Variants in EDEM3 observed in about 807,000 individuals in gnomAD.
EDEM3 encodes the protein ER degradation-enhancing alpha-mannosidase-like protein 3.
A neutral mutation model predicts 110.2 loss-of-function variants in EDEM3; 60 were observed. The ratio of observed to expected loss-of-function variants is 0.54; its 90% CI spans 0.44 to 0.67. The LOEUF (loss-of-function observed/expected upper bound fraction) is 0.67. EDEM3 is among the 30% of genes least tolerant of loss of function. The pLI, the probability that EDEM3 is intolerant of heterozygous loss-of-function variation, is 0.00. For missense variants in EDEM3, 996 were observed against 1,121.0 expected (o/e 0.89, Z 1.59); for synonymous variants, 352 against 382.9 (o/e 0.92, Z 0.94).
Position 184,704,025 on chromosome 1 carries a change from T to A in EDEM3, c.2204-1029A>T, listed in dbSNP as rs1571351665. 3.3e-5 allele frequency among the ~76,000 whole-genome samples: 5 copies of A among 152,280 alleles called. No homozygotes were observed. In the South Asian group the frequency reaches 1.0e-3, roughly 32 times the overall value. On this transcript the variant is annotated intron_variant, in intron 18 of 19. Transcript: ENST00000318130. Reference sequence around the variant, plus strand: ...GTTCAGAAGGACCCAGAGGTAGAGATACAGAGAGAAAAGTGAAAAACATTC... The same window carrying A: ...GTTCAGAAGGACCCAGAGGTAGAGAAACAGAGAGAAAAGTGAAAAACATTC...
intron 6 of EDEM3, among the ~76,000 whole-genome samples, chr1:184,731,109 AAGAG>A (rs1651488150): frequency 6.6e-6 from 1 of 152,208 alleles, no homozygotes; most frequent in African/African-American, 2.4e-5. Flanking sequence ...AGCATAAACC[AAGAG>A]AGAAAGAATA....
chr1:184,695,965 C>G (rs139662272), intron 19 of EDEM3, among the ~76,000 whole-genome samples: 104 of 152,060 alleles, frequency 6.8e-4, no homozygotes, highest in Non-Finnish European at 1.2e-3. Flanking sequence ...AGCCTCAGAA[C>G]CAGTCTGTCT....
At chr1:184,730,443 C>T (rs1338830167) in intron 6 of EDEM3, among the ~76,000 whole-genome samples, 2 of 151,786 alleles carry the variant, frequency 1.3e-5, no homozygotes, top group East Asian at 1.9e-4. Flanking sequence ...AAAAATCAGC[C>T]GAGCATGGTG....
At chr1:184,722,335 C>T (rs980533870) in intron 8 of EDEM3, among the ~76,000 whole-genome samples, 9 of 151,856 alleles carry the variant, frequency 5.9e-5, no homozygotes, top group East Asian at 1.9e-4. Context: ...TTTAATTTAA[C>T]AGCTGAAGTA....
chr1:184,732,699 A>G (rs1217787930), intron 6 of EDEM3, 138 bp downstream of exon 6: 1 of 758,000 alleles, frequency 1.3e-6, no homozygotes, highest in Non-Finnish European at 2.0e-6. Flanking sequence ...AAATGAAAAT[A>G]TAAATTTGTT....
chr1:184,749,939 G>C (rs373362693), intron 1 of EDEM3, among the ~76,000 whole-genome samples: 2 of 152,058 alleles, frequency 1.3e-5, no homozygotes, highest in African/African-American at 2.4e-5. Flanking sequence ...ATTATTTAAC[G>C]TATCTGTCTT....
intron 1 of EDEM3, among the ~76,000 whole-genome samples, chr1:184,750,121 T>C (rs1652675292): frequency 6.6e-6 from 1 of 152,212 alleles, no homozygotes; most frequent in African/African-American, 2.4e-5. Context: ...CACTAATGCC[T>C]AGTTTAAGTA....
intron 6 of EDEM3, among the ~76,000 whole-genome samples, chr1:184,730,046 T>C (rs1328563736): frequency 2.6e-5 from 4 of 152,196 alleles, no homozygotes; most frequent in African/African-American, 9.6e-5. Flanking sequence ...AAGAAATCCA[T>C]ATTAAAATAT....
rs187170549 is a variant in EDEM3, at chr1:184,692,072, C to G, written c.*1991G>C. On this transcript the variant is annotated 3_prime_UTR_variant, in exon 20 of 20. Transcript: ENST00000318130. ...TGACTTTCAGCTACAAATACAAAAT[C>G]AAATCCATGTATATAAGGCTTCTGT... 187 of 152,136 alleles carry G rather than the reference C, an allele frequency of 1.2e-3. 1 individual carries two copies. The highest frequency in any genetic ancestry group is 4.0e-3 in the African/African-American group (167 of 41,534). 9.4% of individuals were successfully genotyped at this position (152,136 alleles called of 1,614,324 possible).
At chr1:184,741,356 G>A (rs550570556) in intron 2 of EDEM3, among the ~76,000 whole-genome samples, 21 of 151,874 alleles carry the variant, frequency 1.4e-4, no homozygotes, top group Admixed American at 9.2e-4. Context: ...CCGAGATCTC[G>A]CCATTGCACT....
chr1:184,748,644 CAT>C (rs1356838887), intron 2 of EDEM3, among the ~76,000 whole-genome samples: 6 of 152,002 alleles, frequency 3.9e-5, no homozygotes, highest in African/African-American at 1.2e-4. Flanking sequence ...AAATATAAAA[CAT>C]GTTTTAAAAC....
intron 19 of EDEM3, among the ~76,000 whole-genome samples, chr1:184,697,548 A>T (rs1649394256): frequency 6.6e-6 from 1 of 151,858 alleles, no homozygotes; most frequent in Non-Finnish European, 1.5e-5. Context: ...CTAGAAGCAG[A>T]TCCAACTATG....
intron 1 of EDEM3, among the ~76,000 whole-genome samples, chr1:184,751,523 T>C (rs1311371862): frequency 6.6e-6 from 1 of 152,250 alleles, no homozygotes; most frequent in Admixed American, 6.5e-5. Context: ...CAGCATATGA[T>C]GAGCAAATTT....
At chr1:184,696,221 A>C (rs1369235573) in intron 19 of EDEM3, among the ~76,000 whole-genome samples, 1 of 151,882 alleles carries the variant, frequency 6.6e-6, no homozygotes, top group Non-Finnish European at 1.5e-5. Flanking sequence ...CAGCTGAGAG[A>C]TTAACTGGGG....
chr1:184,749,621 A>G (rs1652641320), intron 1 of EDEM3, 29 bp from the exon 2 acceptor site: 1 of 1,302,408 alleles, frequency 7.7e-7, no homozygotes, highest in Admixed American at 2.6e-5. Context: ...AAATGGAAAA[A>G]AAAAAAAAAA....
At position 184,692,999 on chromosome 1, in the gene EDEM3, G is replaced by A. The variant is rs957086118; in HGVS notation, c.*1064C>T. On this transcript the variant is annotated 3_prime_UTR_variant, in exon 20 of 20. Transcript: ENST00000318130. ...AACTTTAGAAACCTAAGTTTCAAAG[G>A]AGAAAAACAGTAGTTACTCCAGGAA... The A allele has an allele frequency of 6.5e-6, 1 of 154,746 alleles. No individual in the cohort carries two copies. Among genetic ancestry groups the A allele is most frequent in the East Asian group, 1.9e-4 (1 of 5,178 alleles). The allele number at this position is 154,746 out of a possible 1,614,324, so 9.6% of individuals were successfully genotyped here.
intron 15 of EDEM3, 26 bp downstream of exon 15, chr1:184,711,697 A>G: frequency 1.3e-6 from 2 of 1,542,158 alleles, no homozygotes; most frequent in Admixed American, 2.1e-5. Flanking sequence ...CTTTGATATT[A>G]GAAAATATAA....
intron 2 of EDEM3, among the ~76,000 whole-genome samples, chr1:184,744,283 T>TAC (rs1652304371): frequency 9.4e-6 from 1 of 106,518 alleles, no homozygotes; most frequent in South Asian, 3.3e-4. Context: ...TATATATATA[T>TAC]ATATATATAT....
intron 2 of EDEM3, among the ~76,000 whole-genome samples, chr1:184,743,758 AC>A (rs1652267548): frequency 6.6e-6 from 1 of 152,166 alleles, no homozygotes; most frequent in African/African-American, 2.4e-5. Flanking sequence ...AAAACAAAAT[AC>A]AGAGTCTAGA....
Sources: gnomAD v4.1 joint callset for allele counts (sites outside exome capture counted in the v4.1 genomes callset) on GRCh38, gnomAD v4.1.1 for gene constraint, MANE v1.5 for transcripts, NCBI Gene and HGNC (gene_info 2026-07-23, HGNC 2026-07-21) for gene names.